MTFR1: variants seen among roughly 807,000 people sequenced by gnomAD.
MTFR1 encodes the protein chondrocyte protein with a poly-proline region.
MTFR1 carries 28 observed loss-of-function variants against 38.8 expected under a neutral mutation model. That is an observed-to-expected ratio of 0.72 (90% CI 0.53 to 0.99). The LOEUF (loss-of-function observed/expected upper bound fraction) is 0.99, where lower values mean the gene tolerates loss of function less well. MTFR1 is among the 50% of genes least tolerant of loss of function. The pLI is 0.00. For missense variants in MTFR1, 358 were observed against 395.5 expected (o/e 0.91, Z 0.81); for synonymous variants, 145 against 137.0 (o/e 1.06, Z -0.41).
At chr8:65,695,399 G>A (rs375324857) in intron 4 of MTFR1, among the ~76,000 whole-genome samples, 1 of 151,906 alleles carries the variant, frequency 6.6e-6, no homozygotes, top group East Asian at 1.9e-4. Flanking sequence ...TTGCCCGAGT[G>A]AGGCTGGAGT....
chr8:65,739,485 G>A, intron 3 of MTFR1: 2 of 1,536,094 alleles, frequency 1.3e-6, no homozygotes, highest in Non-Finnish European at 1.7e-6. Context: ...TACTGTTAAT[G>A]GGTTAGAATC....
intron 5 of MTFR1, among the ~76,000 whole-genome samples, chr8:65,706,341 A>G (rs1046798032): frequency 6.6e-6 from 1 of 152,212 alleles, no homozygotes; most frequent in Non-Finnish European, 1.5e-5. Context: ...CCCCAATCAA[A>G]CTAGTTCACC....
chr8:65,730,766 A>G (rs2128895389), intron 3 of MTFR1, among the ~76,000 whole-genome samples: 1 of 152,166 alleles, frequency 6.6e-6, no homozygotes. Context: ...CATCTCTACT[A>G]AAAACACAAA....
intron 1 of MTFR1, among the ~76,000 whole-genome samples, chr8:65,656,329 A>G (rs1194566065): frequency 6.6e-6 from 1 of 151,874 alleles, no homozygotes; most frequent in Non-Finnish European, 1.5e-5. Flanking sequence ...TTATTCTTTA[A>G]TTTTTATTTT....
At chr8:65,666,484 G>A (rs1207668653) in intron 1 of MTFR1, among the ~76,000 whole-genome samples, 1 of 152,192 alleles carries the variant, frequency 6.6e-6, no homozygotes, top group Non-Finnish European at 1.5e-5. Context: ...GTTACATGGT[G>A]TAGTGGATAA....
Position 65,707,061 on chromosome 8 carries a change from C to G in MTFR1, c.569C>G (p.Pro190Arg). Reference protein sequence around the residue: ...FGTIPPHPPPPPPPLPPPALG... With the variant: ...FGTIPPHPPPRPPPLPPPALG... ...ACCATACCACCACACCCTCCACCTC[C>G]CCCACCGCCCCTGCCTCCCCCTGCA... The change falls in exon 6 of 8, where the codon CCC becomes CGC. Residue 190 changes from proline (P) to arginine (R), a missense_variant. Pro to Arg is a moderately radical substitution (Grantham distance 103, BLOSUM62 -2). Coordinates refer to ENST00000262146, the MANE Select transcript of MTFR1 (RefSeq NM_014637.4). 1 of 1,607,112 alleles carries G rather than the reference C, an allele frequency of 6.2e-7. No homozygotes were observed. Among genetic ancestry groups the G allele is most frequent in the Non-Finnish European group, 8.5e-7 (1 of 1,175,682 alleles).
chr8:65,713,694 A>C (rs1806023793), downstream of MTFR1, among the ~76,000 whole-genome samples: 1 of 152,052 alleles, frequency 6.6e-6, no homozygotes, highest in South Asian at 2.1e-4. Context: ...ATAGATGTTA[A>C]CTATTTTTTG....
At chr8:65,740,626 T>C (rs886208209) in intron 3 of MTFR1, among the ~76,000 whole-genome samples, 1 of 152,172 alleles carries the variant, frequency 6.6e-6, no homozygotes, top group African/African-American at 2.4e-5. Flanking sequence ...GGTCTCGAAC[T>C]CCTGACCTTG....
chr8:65,708,902 G>T, intron 7 of MTFR1, 74 bp from the exon 8 acceptor site: 1 of 1,433,812 alleles, frequency 7.0e-7, no homozygotes, highest in South Asian at 1.1e-5. Flanking sequence ...TCTAATCCAT[G>T]ATTGGGAGGT....
rs185716284 is a variant in MTFR1, at chr8:65,709,823, C to T, written c.*779C>T. 3 of 152,682 alleles carry T rather than the reference C, an allele frequency of 2.0e-5. No individual in the cohort carries two copies. The highest frequency in any genetic ancestry group is 3.9e-4 in the East Asian group (2 of 5,190). The allele number at this position is 152,682 out of a possible 1,614,324, so 9.5% of individuals were successfully genotyped here. A position where few individuals can be genotyped will look rare whatever the true frequency, so the allele number is the denominator to read the frequency against. ...TTAAGAAGTAAAAACTCAGAATGTA[C>T]CATCTTGTTTCCTTTCAGTTTATTA... On this transcript the variant is annotated 3_prime_UTR_variant, in exon 8 of 8. Coordinates refer to ENST00000262146, the MANE Select transcript of MTFR1 (RefSeq NM_014637.4).
chr8:65,768,358 C>G (rs1042900201), intron 3 of MTFR1, among the ~76,000 whole-genome samples: 5 of 151,996 alleles, frequency 3.3e-5, no homozygotes, highest in African/African-American at 1.2e-4. Context: ...GTGGGAGGGA[C>G]CTGGTAGGAG....
chr8:65,707,642 A>G (rs1341981721), intron 6 of MTFR1, among the ~76,000 whole-genome samples: 1 of 152,202 alleles, frequency 6.6e-6, no homozygotes, highest in Non-Finnish European at 1.5e-5. Context: ...GACATATTAC[A>G]TGGCCCTTTA....
At chr8:65,684,725 T>G (rs1805018625) in intron 3 of MTFR1, among the ~76,000 whole-genome samples, 1 of 151,700 alleles carries the variant, frequency 6.6e-6, no homozygotes, top group Non-Finnish European at 1.5e-5. Context: ...TGTTAAAGTG[T>G]TTTGTCTTGT....
intron 3 of MTFR1, among the ~76,000 whole-genome samples, chr8:65,750,508 GTGTGTC>G (rs1411929652): frequency 8.0e-5 from 12 of 150,334 alleles, no homozygotes; most frequent in African/African-American, 2.7e-4. Context: ...GTGTGTCTGT[GTGTGTC>G]TGTGTGTGTG....
At chr8:65,688,878 C>A (rs2129055212) in intron 3 of MTFR1, among the ~76,000 whole-genome samples, 1 of 152,188 alleles carries the variant, frequency 6.6e-6, no homozygotes, top group East Asian at 1.9e-4. Flanking sequence ...GGTGTGGTGG[C>A]TCACACCTGT....
intron 5 of MTFR1, 88 bp downstream of exon 5, chr8:65,705,017 A>G (rs999143147): frequency 2.6e-6 from 3 of 1,157,098 alleles, no homozygotes; most frequent in South Asian, 1.5e-5. Flanking sequence ...AGTAACAGCT[A>G]TTGGGGTTCT....
At chr8:65,672,975 A>C (rs1288140667) in intron 2 of MTFR1, among the ~76,000 whole-genome samples, 1 of 152,096 alleles carries the variant, frequency 6.6e-6, no homozygotes, top group African/African-American at 2.4e-5. Flanking sequence ...TCATGTGTTC[A>C]CTGTAGTAGC....
At chr8:65,678,672 G>A (rs986339981) in intron 2 of MTFR1, among the ~76,000 whole-genome samples, 7 of 152,222 alleles carry the variant, frequency 4.6e-5, no homozygotes, top group South Asian at 2.1e-4. Context: ...AGGCCGAGAC[G>A]ATTAGATCAC....
rs187326581 is a variant in MTFR1 at position 65,703,941 on chromosome 8, C to T, written c.282-753C>T. 3.9e-5 allele frequency among the ~76,000 whole-genome samples: 6 copies of T among 152,066 alleles called. No homozygotes were observed. The East Asian group carries it at 9.7e-4, about 25-fold the overall frequency. The stretch of plus-strand genomic sequence containing the variant: ...CTGTCTTAAAAAATAACGCAGGGCT[C>T]GGTGGCTCATGCTTGTAATTCGAGT... On this transcript the variant is annotated intron_variant, in intron 4 of 7. Transcript: ENST00000262146.
Sources: gnomAD v4.1 joint callset for allele counts (sites outside exome capture counted in the v4.1 genomes callset) on GRCh38, gnomAD v4.1.1 for gene constraint, MANE v1.5 for transcripts, NCBI Gene and HGNC (gene_info 2026-07-23, HGNC 2026-07-21) for gene names.